SCGN: variants seen among roughly 807,000 people sequenced by gnomAD.
The protein encoded by SCGN is secretagogin, EF-hand calcium binding protein.
In SCGN, 30 loss-of-function variants were observed where a neutral mutation model predicts 39.7. The observed-to-expected ratio is 0.76, with a 90% CI of 0.57 to 1.03. The LOEUF is 1.03. SCGN is among the 50% of genes least tolerant of loss of function. The probability of loss-of-function intolerance (pLI) is 0.00; values close to 1 mark genes in which losing one functional copy is unlikely to be tolerated. For missense variants in SCGN, 353 were observed against 349.4 expected (o/e 1.01, Z -0.08); for synonymous variants, 106 against 114.1 (o/e 0.93, Z 0.45).
intron 6 of SCGN, among the ~76,000 whole-genome samples, chr6:25,676,585 A>G (rs1250142370): frequency 6.6e-6 from 1 of 152,192 alleles, no homozygotes; most frequent in Non-Finnish European, 1.5e-5. Flanking sequence ...CATCTCTTTC[A>G]GGTCTTTATG....
intron 3 of SCGN, among the ~76,000 whole-genome samples, chr6:25,664,596 A>C (rs1760396253): frequency 6.6e-6 from 1 of 152,232 alleles, no homozygotes; most frequent in East Asian, 1.9e-4. Context: ...TATGGAATTA[A>C]ATTAATTTAG....
chr6:25,701,432 T>C lies in SCGN; in HGVS notation c.*97T>C. ...GATGTTGGGAACACAGTGGGCAAACTCACAAATGGTGTGCTATTCTTGGGC... is the reference window on the plus strand; with the variant it reads ...GATGTTGGGAACACAGTGGGCAAACCCACAAATGGTGTGCTATTCTTGGGC... On this transcript the variant is annotated 3_prime_UTR_variant, in exon 11 of 11. Coordinates refer to ENST00000377961, the MANE Select transcript of SCGN (RefSeq NM_006998.4). 6.8e-7 allele frequency: 1 copy of C among 1,466,662 alleles called. No homozygotes were observed. Among genetic ancestry groups the C allele is most frequent in the South Asian group, 1.3e-5 (1 of 75,554 alleles). The allele number at this position is 1,466,662 out of a possible 1,614,324, so 90.9% of individuals were successfully genotyped here.
At chr6:25,693,887 A>C (rs879328791) in intron 10 of SCGN, among the ~76,000 whole-genome samples, 2 of 152,190 alleles carry the variant, frequency 1.3e-5, no homozygotes, top group Admixed American at 1.3e-4. Flanking sequence ...ACCTTGGGCA[A>C]GTCATTTTGC....
intron 7 of SCGN, among the ~76,000 whole-genome samples, chr6:25,685,244 T>G (rs1024290930): frequency 2.6e-5 from 4 of 152,196 alleles, no homozygotes; most frequent in African/African-American, 9.6e-5. Flanking sequence ...TTGAAGCCAC[T>G]ATGTTTGTGG....
chr6:25,680,103 A>C (rs1474595), intron 6 of SCGN, among the ~76,000 whole-genome samples: 136,131 of 152,230 alleles, frequency 0.89, 61,225 homozygotes, highest in African/African-American at 0.98. Context: ...TAATAACATA[A>C]AAACTATTGA....
At chr6:25,652,656 A>T (rs1215608344) in intron 1 of SCGN, among the ~76,000 whole-genome samples, 171 bp downstream of exon 1, 1 of 152,190 alleles carries the variant, frequency 6.6e-6, no homozygotes, top group African/African-American at 2.4e-5. Flanking sequence ...CTGGTGATAC[A>T]CATCTATATA....
At chr6:25,693,768 T>G (rs1759804088) in intron 10 of SCGN, among the ~76,000 whole-genome samples, 1 of 152,136 alleles carries the variant, frequency 6.6e-6, no homozygotes, top group Admixed American at 6.5e-5. Flanking sequence ...ATGTTGAAAA[T>G]AAAGGCAAGT....
intron 3 of SCGN, among the ~76,000 whole-genome samples, 162 bp downstream of exon 3, chr6:25,661,806 T>A (rs961804992): frequency 6.6e-6 from 1 of 152,232 alleles, no homozygotes; most frequent in Non-Finnish European, 1.5e-5. Context: ...GATAGCATTT[T>A]AAAAGTAATC....
chr6:25,682,862 G>A (rs375760872), intron 7 of SCGN, among the ~76,000 whole-genome samples: 9 of 152,242 alleles, frequency 5.9e-5, no homozygotes, highest in East Asian at 3.9e-4. Flanking sequence ...TGTTGGTTTC[G>A]TCTCTTAGTG....
chr6:25,673,885 T>A (rs1216684010), intron 6 of SCGN, among the ~76,000 whole-genome samples: 1 of 152,196 alleles, frequency 6.6e-6, no homozygotes, highest in Non-Finnish European at 1.5e-5. Flanking sequence ...TGCTGGCATC[T>A]GCTTTGCTTC....
chr6:25,652,713 T>C (rs1396318833), intron 1 of SCGN, among the ~76,000 whole-genome samples: 2 of 152,194 alleles, frequency 1.3e-5, no homozygotes, highest in Non-Finnish European at 2.9e-5. Context: ...CCCTTTCCAA[T>C]CTCTCTTTGT....
At chr6:25,671,404 A>T (rs1310597324) in intron 6 of SCGN, among the ~76,000 whole-genome samples, 1 of 152,054 alleles carries the variant, frequency 6.6e-6, no homozygotes, top group Non-Finnish European at 1.5e-5. Context: ...TTCCCTCTGT[A>T]CTCTGCTCTG....
intron 2 of SCGN, among the ~76,000 whole-genome samples, chr6:25,661,241 C>G (rs1304631192): frequency 6.6e-6 from 1 of 152,178 alleles, no homozygotes; most frequent in Non-Finnish European, 1.5e-5. Flanking sequence ...TTTGTCACAA[C>G]CAAATACAAC....
chr6:25,656,505 C>T (rs1320076266), intron 2 of SCGN, among the ~76,000 whole-genome samples: 1 of 152,180 alleles, frequency 6.6e-6, no homozygotes, highest in East Asian at 1.9e-4. Context: ...TTCTGTTACT[C>T]CCTGCAAACC....
At chr6:25,665,352 G>A (rs1246944860) in intron 4 of SCGN, among the ~76,000 whole-genome samples, 1 of 152,176 alleles carries the variant, frequency 6.6e-6, no homozygotes, top group African/African-American at 2.4e-5. Context: ...TGGAGAGCAT[G>A]TGCCCCATCT....
At chr6:25,662,104 G>C (rs2072851) in intron 3 of SCGN, among the ~76,000 whole-genome samples, 41,521 of 151,992 alleles carry the variant, frequency 0.27, 5,685 homozygotes, top group African/African-American at 0.3. Flanking sequence ...CAGACAATAG[G>C]TGTCTTTACT....
At chr6:25,669,042 C>T (rs1759448647) in intron 4 of SCGN, among the ~76,000 whole-genome samples, 1 of 148,498 alleles carries the variant, frequency 6.7e-6, no homozygotes, top group Non-Finnish European at 1.5e-5. Flanking sequence ...ACCCGGGAGG[C>T]GGAGCTTGCA....
At chr6:25,688,801 C>CAAAAAAAAAAAAAA (rs10626691) in intron 7 of SCGN, among the ~76,000 whole-genome samples, 46 of 102,940 alleles carry the variant, frequency 4.5e-4, no homozygotes, top group East Asian at 6.9e-4. Context: ...GATTCTGTCT[C>CAAAAAAAAAAAAAA]AAAAAAAAAA....
intron 4 of SCGN, among the ~76,000 whole-genome samples, chr6:25,665,763 C>G (rs62393713): frequency 6.6e-6 from 1 of 152,142 alleles, no homozygotes; most frequent in Non-Finnish European, 1.5e-5. Context: ...TTTGCATAGG[C>G]AATTCACAGA....
Sources: allele counts gnomAD v4.1 joint callset (sites outside exome capture counted in the v4.1 genomes callset), GRCh38; gene constraint gnomAD v4.1.1; transcripts MANE v1.5; gene names NCBI Gene and HGNC (gene_info 2026-07-23, HGNC 2026-07-21).